Variants in SLC9C1 observed in about 807,000 individuals in gnomAD.
The protein encoded by SLC9C1 is solute carrier family 9 member C1, also known as sodium/hydrogen exchanger 10.
A neutral mutation model predicts 140.9 loss-of-function variants in SLC9C1; 97 were observed. The ratio of observed to expected loss-of-function variants is 0.69; its 90% CI spans 0.58 to 0.82. SLC9C1 has a LOEUF of 0.82. Among genes scored for constraint, SLC9C1 ranks in the 40% least tolerant of loss-of-function variants. The probability of loss-of-function intolerance (pLI) is 0.00; values close to 1 mark genes in which losing one functional copy is unlikely to be tolerated. For synonymous variants in SLC9C1, 440 were observed against 442.6 expected, an observed-to-expected ratio of 0.99 and a Z score of 0.07; for missense variants, 1,340 against 1,389.3, an observed-to-expected ratio of 0.96 and a Z score of 0.56.
chr3:112,169,263 T>G lies in SLC9C1; in HGVS notation c.2985A>C (p.Gln995His). The change falls in exon 24 of 29, where the codon CAA (glutamine) becomes CAC (histidine). Residue 995 changes from glutamine (Q) to histidine (H), a missense_variant. Gln to His is a conservative substitution (Grantham distance 24). Transcript: ENST00000305815. ...CGAGTCCAAGTTTTAGCCACATTTT[T>G]TGTTTAATGAGAGGAGAGCATTGCT... The part of the protein sequence containing the change: ...AFEQCSPLIK[Q>H]KMWLKLGLAI... 6.2e-7 allele frequency: 1 copy of G among 1,613,658 alleles called. No homozygotes were observed. Among genetic ancestry groups the G allele is most frequent in the Non-Finnish European group, 8.5e-7 (1 of 1,179,798 alleles).
chr3:112,230,907 A>G (rs1411020557), intron 13 of SLC9C1, among the ~76,000 whole-genome samples: 1 of 152,184 alleles, frequency 6.6e-6, no homozygotes, highest in African/African-American at 2.4e-5. Context: ...TCAGTCAGCT[A>G]TTAGAGGATT....
intron 7 of SLC9C1, among the ~76,000 whole-genome samples, chr3:112,268,790 C>T (rs2079992160): frequency 6.6e-6 from 1 of 152,090 alleles, no homozygotes; most frequent in Admixed American, 6.6e-5. Flanking sequence ...AGAATATACA[C>T]CATTGTCTTA....
Position 112,278,845 on chromosome 3 carries a change from C to T in SLC9C1, c.202G>A (p.Ala68Thr), listed in dbSNP as rs753209894. The T allele has an allele frequency of 7.5e-6, 12 of 1,604,408 alleles. No homozygotes were observed. The highest frequency in any genetic ancestry group is 5.6e-5 in the South Asian group (5 of 89,204). Residue 68 changes from alanine (A) to threonine (T), a missense_variant, in exon 4 of 29, where the codon GCA becomes ACA. Transcript: ENST00000305815. ...SFTSSQVQRY[A>T]NAIQWMSPDL... ...GGACTCATCCATTGTATGGCGTTTG[C>T]GTATCTTTGGACCTAATATTATACA... is the stretch of plus-strand genomic sequence containing the variant.
intron 26 of SLC9C1, among the ~76,000 whole-genome samples, chr3:112,159,203 T>G (rs1405878256): frequency 6.6e-6 from 1 of 151,934 alleles, no homozygotes; most frequent in Non-Finnish European, 1.5e-5. Context: ...GTTCCCATTT[T>G]CATTTATTTC....
chr3:112,208,696 TAAAG>T (rs1187215333), intron 15 of SLC9C1, among the ~76,000 whole-genome samples: 5 of 152,322 alleles, frequency 3.3e-5, no homozygotes, highest in African/African-American at 1.2e-4. Context: ...TTTTTTTAAA[TAAAG>T]AGAATACTTT....
chr3:112,256,832 C>T (rs532712989), intron 10 of SLC9C1, among the ~76,000 whole-genome samples: 3 of 152,152 alleles, frequency 2.0e-5, no homozygotes, highest in Admixed American at 1.3e-4. Flanking sequence ...TGGCCCAAAT[C>T]TCCATCAACT....
intron 2 of SLC9C1, among the ~76,000 whole-genome samples, chr3:112,282,445 A>G (rs2080384177): frequency 6.6e-6 from 1 of 152,210 alleles, no homozygotes. Context: ...AAACTCAGCC[A>G]AAGCTTTAGC....
At chr3:112,263,687 AC>A (rs2079838951) in intron 9 of SLC9C1, among the ~76,000 whole-genome samples, 1 of 151,738 alleles carries the variant, frequency 6.6e-6, no homozygotes, top group African/African-American at 2.4e-5. Context: ...GACCTATGAG[AC>A]TCTAGTTATG....
At chr3:112,258,082 T>C (rs558564579) in intron 10 of SLC9C1, among the ~76,000 whole-genome samples, 9 of 152,170 alleles carry the variant, frequency 5.9e-5, no homozygotes, top group African/African-American at 9.6e-5. Context: ...TGAACACTTA[T>C]ACAGTTAGTG....
At chr3:112,239,717 A>G in intron 12 of SLC9C1, 123 bp downstream of exon 12, 1 of 999,674 alleles carries the variant, frequency 1.0e-6, no homozygotes, top group Non-Finnish European at 1.4e-6. Flanking sequence ...AAATAGAGTT[A>G]TTAACATGAC....
intron 28 of SLC9C1, among the ~76,000 whole-genome samples, chr3:112,150,811 A>AT (rs2074943482): frequency 1.6e-4 from 3 of 19,144 alleles, no homozygotes; most frequent in African/African-American, 5.9e-4. Context: ...TATATATATA[A>AT]ATACATATAC....
At chr3:112,174,850 C>G (rs1003044084) in intron 23 of SLC9C1, among the ~76,000 whole-genome samples, 29 of 151,714 alleles carry the variant, frequency 1.9e-4, no homozygotes, top group African/African-American at 7.0e-4. Flanking sequence ...GGTCATTGTG[C>G]TGGAGTCCCA....
At chr3:112,220,824 G>T (rs561509518) in intron 14 of SLC9C1, among the ~76,000 whole-genome samples, 55 of 148,792 alleles carry the variant, frequency 3.7e-4, no homozygotes, top group South Asian at 3.6e-3. Flanking sequence ...CTAAAAGGAA[G>T]AGTTCTTTAC....
chr3:112,254,425 G>A (rs2079547163), intron 10 of SLC9C1, among the ~76,000 whole-genome samples: 1 of 152,056 alleles, frequency 6.6e-6, no homozygotes, highest in South Asian at 2.1e-4. Flanking sequence ...AGTGACTGGG[G>A]GCTTATATTC....
chr3:112,246,318 G>C (rs1307233277), intron 10 of SLC9C1, among the ~76,000 whole-genome samples: 1 of 151,974 alleles, frequency 6.6e-6, no homozygotes. Context: ...ACCTTCACCT[G>C]CACCATTAAA....
intron 20 of SLC9C1, among the ~76,000 whole-genome samples, chr3:112,197,931 C>T (rs73853328): frequency 0.011 from 1,746 of 152,242 alleles, 38 homozygotes; most frequent in African/African-American, 0.038. Context: ...TCCTGCTTAA[C>T]ACCTGCTTTT....
chr3:112,148,840 C>T (rs1247244896), intron 28 of SLC9C1, among the ~76,000 whole-genome samples: 1 of 152,302 alleles, frequency 6.6e-6, no homozygotes, highest in East Asian at 1.9e-4. Context: ...GCACAAGCAC[C>T]AGTGCCAATA....
intron 15 of SLC9C1, among the ~76,000 whole-genome samples, chr3:112,212,586 A>G (rs894926530): frequency 6.6e-6 from 1 of 152,248 alleles, no homozygotes; most frequent in African/African-American, 2.4e-5. Flanking sequence ...CAATTAGATC[A>G]ACTGGAAGAA....
At chr3:112,217,370 C>A (rs2078409487) in intron 15 of SLC9C1, 72 bp downstream of exon 15, 5 of 1,486,002 alleles carry the variant, frequency 3.4e-6, no homozygotes, top group Middle Eastern at 1.8e-4. Flanking sequence ...TTCAAGATAC[C>A]ATTTTAAAAG....
Sources: gnomAD v4.1 joint callset for allele counts (sites outside exome capture counted in the v4.1 genomes callset) on GRCh38, gnomAD v4.1.1 for gene constraint, MANE v1.5 for transcripts, NCBI Gene and HGNC (gene_info 2026-07-23, HGNC 2026-07-21) for gene names.